Variants in F13A1 observed in about 807,000 individuals in gnomAD.
The protein encoded by F13A1 is FSF, A subunit.
Under a neutral mutation model 80.1 loss-of-function variants are expected in F13A1, and 47 were observed. The observed-to-expected ratio is 0.59, with a 90% CI of 0.46 to 0.75. The LOEUF is 0.75. Ranked by LOEUF, F13A1 falls within the 30% of genes least tolerant of loss-of-function variation. F13A1 has a pLI of 0.00. For missense variants in F13A1, 817 were observed against 930.4 expected, an observed-to-expected ratio of 0.88 and a Z score of 1.59; for synonymous variants, 349 against 344.9, an observed-to-expected ratio of 1.01 and a Z score of -0.13.
At chr6:6,240,724 A>G (rs1299111897) in intron 6 of F13A1, among the ~76,000 whole-genome samples, 1 of 152,190 alleles carries the variant, frequency 6.6e-6, no homozygotes, top group Non-Finnish European at 1.5e-5. Context: ...AATTTTTTAA[A>G]AATCTTCAAT....
chr6:6,193,637 T>A (rs757574085), intron 10 of F13A1, among the ~76,000 whole-genome samples: 13 of 152,348 alleles, frequency 8.5e-5, no homozygotes, highest in Non-Finnish European at 1.5e-4. Context: ...CAAATCCTGA[T>A]GACATTCATA....
chr6:6,222,279 C>A, intron 7 of F13A1, 108 bp from the exon 8 acceptor site: 1 of 1,421,342 alleles, frequency 7.0e-7, no homozygotes, highest in East Asian at 2.4e-5. Context: ...ACATGAAAAG[C>A]CCTTTGGACA....
intron 7 of F13A1, among the ~76,000 whole-genome samples, chr6:6,223,992 T>C (rs1017555380): frequency 6.6e-6 from 1 of 152,204 alleles, no homozygotes; most frequent in Non-Finnish European, 1.5e-5. Context: ...AATTGTAATA[T>C]CGTCTGGGTC....
At position 6,318,544 on chromosome 6, in the gene F13A1, T is replaced by G. The variant is rs757568910; in HGVS notation, c.121A>C (p.Asn41His). 5 of 1,613,444 alleles carry G rather than the reference T, an allele frequency of 3.1e-6. No homozygotes were observed. Among genetic ancestry groups the G allele is most frequent in the Non-Finnish European group, 3.4e-6 (4 of 1,179,766 alleles). The change falls in exon 2 of 15, where the codon AAC becomes CAC. Residue 41 changes from asparagine (N) to histidine (H), a missense_variant. Transcript: ENST00000264870. ...GGGGGTATGCTCATACCTTGCAGGT[T>G]GACGCCCCGGGGCACCACGCCCTGA... ...ELQGVVPRGV[N>H]LQEFLNVTSV...
At chr6:6,263,326 A>G (rs981263107) in intron 4 of F13A1, among the ~76,000 whole-genome samples, 4 of 152,186 alleles carry the variant, frequency 2.6e-5, no homozygotes, top group African/African-American at 9.7e-5. Flanking sequence ...GAAGACATCC[A>G]TATTTCCACA....
At chr6:6,239,927 G>A (rs1757463930) in intron 6 of F13A1, among the ~76,000 whole-genome samples, 1 of 152,118 alleles carries the variant, frequency 6.6e-6, no homozygotes, top group African/African-American at 2.4e-5. Flanking sequence ...AGGGTATGAA[G>A]GGAACCCAAG....
intron 7 of F13A1, among the ~76,000 whole-genome samples, chr6:6,222,787 T>G (rs1051264184): frequency 1.3e-5 from 2 of 152,238 alleles, no homozygotes; most frequent in Admixed American, 6.5e-5. Context: ...TTAAGATTAA[T>G]GACTTGGCTT....
chr6:6,157,488 T>C (rs1164478679), intron 13 of F13A1, among the ~76,000 whole-genome samples: 1 of 152,154 alleles, frequency 6.6e-6, no homozygotes, highest in African/African-American at 2.4e-5. Context: ...CAAAGAATCA[T>C]TTGCAGCATC....
chr6:6,165,212 G>C (rs1760645656), intron 13 of F13A1, among the ~76,000 whole-genome samples: 1 of 152,126 alleles, frequency 6.6e-6, no homozygotes, highest in Non-Finnish European at 1.5e-5. Context: ...TGGTTGCTTT[G>C]TGGAAGGAAA....
chr6:6,260,819 G>T (rs1757769291), intron 4 of F13A1, among the ~76,000 whole-genome samples: 1 of 152,286 alleles, frequency 6.6e-6, no homozygotes, highest in South Asian at 2.1e-4. Context: ...TCCTGGGACA[G>T]AATGGGAGAG....
intron 11 of F13A1, among the ~76,000 whole-genome samples, chr6:6,181,347 C>A (rs1005651701): frequency 3.9e-5 from 6 of 152,204 alleles, no homozygotes; most frequent in Admixed American, 3.9e-4. Context: ...AGCACCAAAC[C>A]AATTGCAGGC....
chr6:6,212,675 T>C (rs376566591), intron 8 of F13A1, among the ~76,000 whole-genome samples: 1 of 152,054 alleles, frequency 6.6e-6, no homozygotes, highest in Non-Finnish European at 1.5e-5. Context: ...CAAAGCTGGA[T>C]GGAGAATAAC....
At chr6:6,285,830 G>C (rs1758132164) in intron 3 of F13A1, among the ~76,000 whole-genome samples, 1 of 151,416 alleles carries the variant, frequency 6.6e-6, no homozygotes, top group African/African-American at 2.4e-5. Context: ...GTGATCAGCA[G>C]CTTCCCAATA....
rs1758496672 is a variant in F13A1, at chr6:6,305,317, G to A, written c.319+34C>T. The A allele has an allele frequency of 2.5e-6, 4 of 1,611,104 alleles. No homozygotes were observed. The South Asian group carries it at 4.4e-5, about 18-fold the overall frequency. On this transcript the variant is annotated intron_variant, in intron 3 of 14. Transcript: ENST00000264870. The stretch of plus-strand genomic sequence containing the variant: ...CACCTCTCTCTACAATGCAACCCAT[G>A]GTGTCAAGACTGGAGCTTGCACATG...
At chr6:6,167,365 C>T in intron 13 of F13A1, 93 bp downstream of exon 13, 8 of 1,235,524 alleles carry the variant, frequency 6.5e-6, no homozygotes, top group Admixed American at 1.8e-5. Flanking sequence ...CATTCATTCA[C>T]ACACACACAC....
intron 8 of F13A1, among the ~76,000 whole-genome samples, chr6:6,202,797 A>C (rs1420089902): frequency 1.3e-5 from 2 of 152,246 alleles, no homozygotes; most frequent in Non-Finnish European, 2.9e-5. Flanking sequence ...CCGTGCAGTG[A>C]CAGCTAGTAA....
intron 12 of F13A1, among the ~76,000 whole-genome samples, chr6:6,169,678 T>G (rs951030541): frequency 6.6e-6 from 1 of 151,916 alleles, no homozygotes; most frequent in Non-Finnish European, 1.5e-5. Context: ...GGGTGGAGGG[T>G]GGGTTACTAC....
intron 8 of F13A1, among the ~76,000 whole-genome samples, chr6:6,221,637 T>C (rs1338903791): frequency 2.0e-5 from 3 of 152,126 alleles, no homozygotes; most frequent in Non-Finnish European, 2.9e-5. Flanking sequence ...CCAAGACCGA[T>C]GCATAGTAAA....
intron 2 of F13A1, among the ~76,000 whole-genome samples, chr6:6,311,023 G>A (rs572915215): frequency 2.1e-5 from 3 of 145,310 alleles, no homozygotes; most frequent in South Asian, 4.5e-4. Flanking sequence ...CTCTTGATTC[G>A]CAGGAAACAT....
Sources: gnomAD v4.1 joint callset for allele counts (sites outside exome capture counted in the v4.1 genomes callset) on GRCh38, gnomAD v4.1.1 for gene constraint, MANE v1.5 for transcripts, NCBI Gene and HGNC (gene_info 2026-07-23, HGNC 2026-07-21) for gene names.